Variants in FAM81A observed in about 807,000 individuals in gnomAD.
FAM81A encodes family with sequence similarity 81 member A.
A neutral mutation model predicts 46.7 loss-of-function variants in FAM81A; 19 were observed. That is an observed-to-expected ratio of 0.41 (90% CI 0.28 to 0.60). The LOEUF is 0.60. Among genes scored for constraint, FAM81A ranks in the 20% least tolerant of loss-of-function variants. The probability of loss-of-function intolerance (pLI) is 0.34; values close to 1 mark genes in which losing one functional copy is unlikely to be tolerated. For synonymous variants in FAM81A, 183 were observed against 152.9 expected (o/e 1.20, Z -1.45); for missense variants, 377 against 453.5 (o/e 0.83, Z 1.53).
At chr15:59,415,796 C>G (rs1458593157) in intron 2 of FAM81A, among the ~76,000 whole-genome samples, 1 of 152,174 alleles carries the variant, frequency 6.6e-6, no homozygotes, top group Non-Finnish European at 1.5e-5. Context: ...GAGTTAGCTG[C>G]TCTTGAGTGA....
At position 59,487,199 on chromosome 15, in the gene FAM81A, A is replaced by T. The variant is rs201794776; in HGVS notation, c.295-5072A>T. On this transcript the variant is annotated intron_variant, in intron 3 of 8. Transcript: ENST00000288228. The stretch of plus-strand genomic sequence containing the variant: ...ATATATATATATATTTTATATATAT[A>T]TTATATATATATCTTATATGTATAT... 5.4e-5 allele frequency among the ~76,000 whole-genome samples: 8 copies of T among 146,868 alleles called. No individual in the cohort carries two copies. In the East Asian group the frequency reaches 1.2e-3, roughly 22 times the overall value.
At chr15:59,478,129 G>C (rs1368473462) in intron 3 of FAM81A, among the ~76,000 whole-genome samples, 3 of 152,152 alleles carry the variant, frequency 2.0e-5, no homozygotes, top group Non-Finnish European at 4.4e-5. Flanking sequence ...GGGGGTAGTA[G>C]TTTGGACCCC....
chr15:59,432,149 T>A (rs1206641115), intron 2 of FAM81A, among the ~76,000 whole-genome samples: 5 of 152,246 alleles, frequency 3.3e-5, no homozygotes, highest in African/African-American at 1.2e-4. Context: ...TGCCTTTACC[T>A]GGCAGGCATG....
At chr15:59,501,934 A>G (rs1241249766) in intron 4 of FAM81A, among the ~76,000 whole-genome samples, 1 of 152,156 alleles carries the variant, frequency 6.6e-6, no homozygotes, top group East Asian at 1.9e-4. Context: ...TTTTTTTAAG[A>G]CAGGAATGAT....
At chr15:59,463,232 A>G (rs1483087263) in intron 3 of FAM81A, among the ~76,000 whole-genome samples, 2 of 152,050 alleles carry the variant, frequency 1.3e-5, no homozygotes, top group African/African-American at 4.8e-5. Context: ...TCATCTCGCT[A>G]TCTTAGGAAA....
At chr15:59,514,729 A>G (rs923012304) in intron 7 of FAM81A, among the ~76,000 whole-genome samples, 8 of 152,326 alleles carry the variant, frequency 5.3e-5, no homozygotes, top group African/African-American at 1.9e-4. Flanking sequence ...AAGAATCACC[A>G]ACTTCATTCT....
intron 4 of FAM81A, among the ~76,000 whole-genome samples, chr15:59,502,429 T>C (rs2082102387): frequency 1.3e-5 from 2 of 151,268 alleles, no homozygotes; most frequent in Non-Finnish European, 2.9e-5. Flanking sequence ...GAATATGCGG[T>C]GTTTGGTATT....
intron 1 of FAM81A, among the ~76,000 whole-genome samples, chr15:59,443,505 C>T (rs2081323097): frequency 1.3e-5 from 2 of 152,284 alleles, no homozygotes; most frequent in South Asian, 2.1e-4. Flanking sequence ...TTCTGTCTCT[C>T]GTGAACCTTG....
intron 2 of FAM81A, among the ~76,000 whole-genome samples, chr15:59,421,869 C>CTATCTA (rs2081174832): frequency 6.8e-6 from 1 of 146,974 alleles, no homozygotes; most frequent in African/African-American, 2.5e-5. Context: ...ACCCTCAACC[C>CTATCTA]TCTATCTATC....
In FAM81A at chr15:59,460,203, C is replaced by G; in HGVS notation, c.291C>G (p.Ile97Met). The G allele has an allele frequency of 6.2e-7, 1 of 1,613,976 alleles. No individual in the cohort carries two copies. Among genetic ancestry groups the G allele is most frequent in the Non-Finnish European group, 8.5e-7 (1 of 1,179,886 alleles). Residue 97 changes from isoleucine (I) to methionine (M), a missense_variant, in exon 3 of 9, where the codon ATC (isoleucine) becomes ATG (methionine). Ile to Met is a conservative substitution (Grantham distance 10, BLOSUM62 1). Transcript: ENST00000288228. This position sits in a 1 kb window ranked among gnomAD's most constrained non-coding sequence, Gnocchi z 4.4. ...TAIVKQLNRD[I>M]EVLQEQIRAR... ...TAGTGAAGCAACTTAATCGGGATAT[C>G]GAGGTAAGGTTTGTGAAAGTCAGGT...
At chr15:59,400,459 C>T (rs1473348081) in intron 1 of FAM81A, among the ~76,000 whole-genome samples, 2 of 152,108 alleles carry the variant, frequency 1.3e-5, no homozygotes, top group African/African-American at 4.8e-5. Flanking sequence ...CCGGCTCAGA[C>T]CCCCCTACCC....
chr15:59,411,769 A>T (rs1432758740), intron 2 of FAM81A, among the ~76,000 whole-genome samples: 1 of 152,168 alleles, frequency 6.6e-6, no homozygotes, highest in Non-Finnish European at 1.5e-5. Context: ...TACAAAAATT[A>T]GCCAGGCATG....
intron 8 of FAM81A, among the ~76,000 whole-genome samples, chr15:59,518,672 T>A (rs920422063): frequency 6.6e-6 from 1 of 152,184 alleles, no homozygotes; most frequent in Non-Finnish European, 1.5e-5. Context: ...GGATATTCTC[T>A]TATAAATAAC....
chr15:59,456,584 T>C (rs190181815), intron 1 of FAM81A, among the ~76,000 whole-genome samples: 13 of 152,208 alleles, frequency 8.5e-5, no homozygotes, highest in Non-Finnish European at 1.8e-4. Context: ...TGTTTTTGTT[T>C]GTTTGTATTT....
At chr15:59,453,541 T>C (rs115130376) in intron 1 of FAM81A, among the ~76,000 whole-genome samples, 1,661 of 152,160 alleles carry the variant, frequency 0.011, 27 homozygotes, top group African/African-American at 0.035. Flanking sequence ...GAAGCCAGGA[T>C]TGAAGCAAGA....
In FAM81A at chr15:59,458,615, A is replaced by G. The variant is rs1049043826; in HGVS notation, c.-12A>G. On this transcript the variant is annotated 5_prime_UTR_variant, in exon 2 of 9. Coordinates refer to ENST00000288228, the MANE Select transcript of FAM81A (RefSeq NM_152450.3). ...TATTTCCTTCTCGTGTCACCAAGGA[A>G]AGGTATAATATATGGAAAATATGCA... The G allele has an allele frequency of 6.2e-7, 1 of 1,613,978 alleles. No homozygotes were observed. Among genetic ancestry groups the G allele is most frequent in the Non-Finnish European group, 8.5e-7 (1 of 1,179,838 alleles).
intron 3 of FAM81A, among the ~76,000 whole-genome samples, chr15:59,469,024 A>G (rs2081651343): frequency 6.6e-6 from 1 of 152,154 alleles, no homozygotes; most frequent in South Asian, 2.1e-4. Flanking sequence ...GCAGTTTTGA[A>G]TGAGTATCTT....
chr15:59,432,283 A>C (rs1349284174), intron 2 of FAM81A, among the ~76,000 whole-genome samples: 11 of 152,282 alleles, frequency 7.2e-5, no homozygotes, highest in African/African-American at 2.7e-4. Context: ...AAGTACACGA[A>C]TCTTCACTCC....
chr15:59,511,703 C>T (rs969893189), intron 6 of FAM81A, among the ~76,000 whole-genome samples: 7 of 152,222 alleles, frequency 4.6e-5, no homozygotes, highest in South Asian at 2.1e-4. Flanking sequence ...CAGGCTGGAG[C>T]GCAGTGTGCT....
Sources: gnomAD v4.1 joint callset for allele counts (sites outside exome capture counted in the v4.1 genomes callset) on GRCh38, gnomAD v4.1.1 for gene constraint, Gnocchi (gnomAD v3.1) non-coding constraint, MANE v1.5 for transcripts, NCBI Gene and HGNC (gene_info 2026-07-23, HGNC 2026-07-21) for gene names.